Variants in EPC2 observed in about 807,000 individuals in gnomAD.
EPC2 encodes the protein enhancer of polycomb homolog 2.
EPC2 carries 14 observed loss-of-function variants against 92.1 expected under a neutral mutation model. The ratio of observed to expected loss-of-function variants is 0.15; its 90% CI spans 0.10 to 0.24. The LOEUF (loss-of-function observed/expected upper bound fraction) is 0.24. Ranked by LOEUF, EPC2 falls within the 10% of genes least tolerant of loss-of-function variation. The probability of loss-of-function intolerance (pLI) is 1.00; values close to 1 mark genes in which losing one functional copy is unlikely to be tolerated. For missense variants in EPC2, 755 were observed against 971.5 expected (o/e 0.78, Z 2.96); for synonymous variants, 340 against 334.7 (o/e 1.02, Z -0.17).
At chr2:148,764,802 A>G (rs533874169) in intron 6 of EPC2, among the ~76,000 whole-genome samples, 153 bp from the exon 7 acceptor site, 6 of 152,328 alleles carry the variant, frequency 3.9e-5, no homozygotes, top group Admixed American at 6.5e-5. Context: ...ACATGTTTCA[A>G]TTTATGAACA....
At chr2:148,652,176 A>G (rs1680701681) in intron 1 of EPC2, among the ~76,000 whole-genome samples, 1 of 152,170 alleles carries the variant, frequency 6.6e-6, no homozygotes, top group Non-Finnish European at 1.5e-5. Context: ...TAGTATACCT[A>G]TGTTGAGAAG....
chr2:148,681,126 A>G (rs1238303651), intron 1 of EPC2, among the ~76,000 whole-genome samples: 1 of 152,240 alleles, frequency 6.6e-6, no homozygotes, highest in Non-Finnish European at 1.5e-5. Context: ...TGCAAAACAG[A>G]CACATTGTCT....
chr2:148,781,515 C>A, intron 10 of EPC2, 129 bp from the exon 11 acceptor site: 1 of 861,074 alleles, frequency 1.2e-6, no homozygotes, highest in African/African-American at 1.7e-5. Flanking sequence ...AGATTATTTT[C>A]TGATATTCCA....
intron 2 of EPC2, among the ~76,000 whole-genome samples, chr2:148,737,709 C>G (rs1050806039): frequency 2.6e-5 from 4 of 151,978 alleles, no homozygotes; most frequent in Non-Finnish European, 5.9e-5. Flanking sequence ...TCAGCTCTCT[C>G]AGGGATGTCC....
At chr2:148,712,451 T>C (rs1270312828) in intron 2 of EPC2, among the ~76,000 whole-genome samples, 5 of 152,216 alleles carry the variant, frequency 3.3e-5, no homozygotes, top group African/African-American at 1.2e-4. Context: ...ACATAATGTT[T>C]TGATCAATGA....
chr2:148,778,803 CCTTA>C (rs1284181835), intron 10 of EPC2, among the ~76,000 whole-genome samples: 7 of 151,916 alleles, frequency 4.6e-5, no homozygotes, highest in South Asian at 2.1e-4. Context: ...GCACAGAATA[CCTTA>C]CTTAATAATA....
At chr2:148,783,777 G>A (rs1371754105) in intron 12 of EPC2, 21 bp downstream of exon 12, 1 of 1,570,420 alleles carries the variant, frequency 6.4e-7, no homozygotes, top group Non-Finnish European at 8.7e-7. Flanking sequence ...GGTTTCACAT[G>A]GTACCTACTT....
In EPC2 at chr2:148,645,164, G is replaced by A. The variant is rs1462388736; in HGVS notation, c.147G>A (p.Glu49=). Residue 49 remains glutamate (E), a synonymous_variant, in exon 1 of 14, where the codon GAG becomes GAA. Transcript: ENST00000258484. ...PQMPTGMEKE[E]ESEHHLQRAI... The stretch of plus-strand genomic sequence containing the variant: ...TGCCCACCGGGATGGAGAAGGAGGA[G>A]GAATCGGTAGGGACTCGAGTGTTTA... 2 of 1,607,656 alleles carry A rather than the reference G, an allele frequency of 1.2e-6. No individual in the cohort carries two copies. The highest frequency in any genetic ancestry group is 1.7e-6 in the Non-Finnish European group (2 of 1,177,238).
Position 148,784,819 on chromosome 2 carries a change from C to A in EPC2, c.2169C>A (p.Asn723Lys). Residue 723 changes from asparagine (N) to lysine (K), a missense_variant, in exon 13 of 14, where the codon AAC becomes AAA. By Grantham distance (94) the Asn-to-Lys change is moderately conservative. Coordinates refer to ENST00000258484, the MANE Select transcript of EPC2 (RefSeq NM_015630.4). Reference protein sequence around the residue: ...CTSSPQTLPMNNSCLTNAVHL... With the variant: ...CTSSPQTLPMKNSCLTNAVHL... ...GCAGTCCTCAGACACTTCCCATGAA[C>A]AATTCCTGCCTGACAAATGCAGTGC... 1 of 1,613,984 alleles carries A rather than the reference C, an allele frequency of 6.2e-7. No homozygotes were observed. The highest frequency in any genetic ancestry group is 8.5e-7 in the Non-Finnish European group (1 of 1,179,878).
intron 10 of EPC2, among the ~76,000 whole-genome samples, chr2:148,773,063 C>G (rs1241581451): frequency 6.6e-6 from 1 of 152,098 alleles, no homozygotes; most frequent in Non-Finnish European, 1.5e-5. Context: ...TTGCAGCTTT[C>G]TCCTATACAT....
intron 2 of EPC2, among the ~76,000 whole-genome samples, chr2:148,741,431 T>G (rs1574616318): frequency 6.6e-6 from 1 of 152,174 alleles, no homozygotes; most frequent in Non-Finnish European, 1.5e-5. Context: ...TGAGATGTAG[T>G]CCTTTACTGA....
chr2:148,677,789 A>G (rs904452526), intron 1 of EPC2, among the ~76,000 whole-genome samples: 1 of 151,300 alleles, frequency 6.6e-6, no homozygotes, highest in African/African-American at 2.4e-5. Flanking sequence ...AGTGAGTGTT[A>G]CAGCTCTTAA....
At chr2:148,658,478 AC>A (rs1680852891) in intron 1 of EPC2, among the ~76,000 whole-genome samples, 1 of 152,048 alleles carries the variant, frequency 6.6e-6, no homozygotes, top group African/African-American at 2.4e-5. Context: ...CAGGTGGGCA[AC>A]TCAAATATTT....
intron 2 of EPC2, among the ~76,000 whole-genome samples, chr2:148,707,495 G>C (rs1212820091): frequency 6.6e-6 from 1 of 152,172 alleles, no homozygotes; most frequent in Non-Finnish European, 1.5e-5. Flanking sequence ...GCAACAAGCA[G>C]ACCTAATAGA....
intron 2 of EPC2, among the ~76,000 whole-genome samples, chr2:148,706,419 C>T (rs1270444229): frequency 1.3e-5 from 2 of 152,118 alleles, no homozygotes; most frequent in African/African-American, 4.8e-5. Flanking sequence ...CTGGAAAACA[C>T]TCTTCAGGAT....
At position 148,786,496 on chromosome 2, in the gene EPC2, G is replaced by A. The variant is rs1340401311; in HGVS notation, c.*119G>A. ...TAACAATGGACCTAAATGGACTATAGTATATTGGATGTTAAATCCATATAT... is the reference window on the plus strand; with the variant it reads ...TAACAATGGACCTAAATGGACTATAATATATTGGATGTTAAATCCATATAT... On this transcript the variant is annotated 3_prime_UTR_variant, in exon 14 of 14. Transcript: ENST00000258484. 2 of 704,708 alleles carry A rather than the reference G, an allele frequency of 2.8e-6. No homozygotes were observed. The highest frequency in any genetic ancestry group is 2.4e-6 in the Non-Finnish European group (1 of 421,922). The allele number at this position is 704,708 out of a possible 1,614,324, so 43.7% of individuals were successfully genotyped here.
At chr2:148,672,910 AT>A (rs1681186631) in intron 1 of EPC2, among the ~76,000 whole-genome samples, 1 of 152,114 alleles carries the variant, frequency 6.6e-6, no homozygotes, top group Non-Finnish European at 1.5e-5. Flanking sequence ...GTTTTTACTT[AT>A]CTGGGAGGTT....
intron 2 of EPC2, among the ~76,000 whole-genome samples, chr2:148,721,579 C>T (rs1410727001): frequency 6.6e-6 from 1 of 151,872 alleles, no homozygotes; most frequent in African/African-American, 2.4e-5. Context: ...TTTGAGCTTC[C>T]TCAATCTGTG....
intron 2 of EPC2, among the ~76,000 whole-genome samples, chr2:148,711,890 A>T (rs1302612234): frequency 6.6e-6 from 1 of 152,146 alleles, no homozygotes; most frequent in Non-Finnish European, 1.5e-5. Flanking sequence ...TCAAGTGATT[A>T]TAGGTACTCT....
Sources: gnomAD v4.1 joint callset for allele counts (sites outside exome capture counted in the v4.1 genomes callset) on GRCh38, gnomAD v4.1.1 for gene constraint, MANE v1.5 for transcripts, NCBI Gene and HGNC (gene_info 2026-07-23, HGNC 2026-07-21) for gene names.